The following HK1 variants were observed in gnomAD, a reference collection of about 807,000 sequenced individuals.
HK1 encodes the protein hexokinase 1.
Under a neutral mutation model 91.6 loss-of-function variants are expected in HK1, and 28 were observed. The observed-to-expected ratio is 0.31, with a 90% CI of 0.23 to 0.42. HK1 has a LOEUF of 0.42. Among genes scored for constraint, HK1 ranks in the 10% least tolerant of loss-of-function variants. HK1 has a pLI of 1.00. For synonymous variants in HK1, 430 were observed against 468.1 expected, an observed-to-expected ratio of 0.92 and a Z score of 1.05; for missense variants, 770 against 1,219.8, an observed-to-expected ratio of 0.63 and a Z score of 5.49.
chr10:69,327,280 C>A lies in HK1; in HGVS notation c.63+8270C>A, dbSNP rs559881372. On this transcript the variant is annotated intron_variant, in intron 1 of 17. Transcript: ENST00000359426. ...AAGTTCTGGGATTATAGGCCTGAGC[C>A]CCCACACTCAGCCAGTTTTAAACTC... 6.0e-4 allele frequency among the ~76,000 whole-genome samples: 92 copies of A among 152,126 alleles called. 1 individual carries two copies. Among genetic ancestry groups the A allele is most frequent in the African/African-American group, 2.0e-3 (85 of 41,506 alleles).
intron 3 of HK1, among the ~76,000 whole-genome samples, chr10:69,363,520 AGGCATGTGCCAG>A (rs1360987796): frequency 6.6e-6 from 1 of 152,210 alleles, no homozygotes; most frequent in African/African-American, 2.4e-5. Flanking sequence ...CTAGGACTAC[AGGCATGTGCCAG>A]CATGCCTGGC....
At chr10:69,344,042 C>A (rs1320634733) in intron 2 of HK1, 53 bp downstream of exon 2, 5 of 1,575,592 alleles carry the variant, frequency 3.2e-6, no homozygotes, top group South Asian at 1.1e-5. Flanking sequence ...TCTGTGAAAT[C>A]TTCCTTCTAA....
chr10:69,396,154 C>T (rs1840125081), intron 16 of HK1, among the ~76,000 whole-genome samples: 1 of 151,816 alleles, frequency 6.6e-6, no homozygotes, highest in African/African-American at 2.4e-5. Flanking sequence ...TTCCTGTGGT[C>T]CCAGCTATTT....
intron 5 of HK1, among the ~76,000 whole-genome samples, chr10:69,305,888 A>AGAAC (rs1554808738): frequency 6.7e-6 from 1 of 149,786 alleles, no homozygotes; most frequent in Non-Finnish European, 1.5e-5. Flanking sequence ...AAAACAACAA[A>AGAAC]AAAAAATAAG....
At chr10:69,323,407 A>G (rs1032161931) in intron 1 of HK1, among the ~76,000 whole-genome samples, 1 of 151,676 alleles carries the variant, frequency 6.6e-6, no homozygotes, top group African/African-American at 2.4e-5. Context: ...ACCTGTAGTC[A>G]CAGCTACTCA....
intron 4 of HK1, among the ~76,000 whole-genome samples, chr10:69,366,329 C>G (rs1488929725): frequency 6.6e-6 from 1 of 152,168 alleles, no homozygotes; most frequent in Non-Finnish European, 1.5e-5. Context: ...AGCATTTGGG[C>G]TCAGGGCACC....
At chr10:69,374,773 G>A (rs986260889) in intron 7 of HK1, among the ~76,000 whole-genome samples, 1 of 152,248 alleles carries the variant, frequency 6.6e-6, no homozygotes, top group African/African-American at 2.4e-5. Flanking sequence ...ATTGTTCTGG[G>A]CGTCTTTAGA....
chr10:69,294,946 T>C (rs111503217), intron 3 of HK1, among the ~76,000 whole-genome samples: 1,648 of 150,350 alleles, frequency 0.011, 34 homozygotes, highest in African/African-American at 0.038. Flanking sequence ...GGAGGATTGC[T>C]TGAGCCCGGG....
intron 3 of HK1, among the ~76,000 whole-genome samples, chr10:69,289,970 T>C (rs1845223188): frequency 6.6e-6 from 1 of 152,054 alleles, no homozygotes; most frequent in South Asian, 2.1e-4. Flanking sequence ...CCCTGGATGT[T>C]GAAATAAACC....
Position 69,380,108 on chromosome 10 carries a change from T to G in HK1, c.1265+13T>G. The G allele has an allele frequency of 6.3e-7, 1 of 1,593,136 alleles. No homozygotes were observed. Among genetic ancestry groups the G allele is most frequent in the Non-Finnish European group, 8.6e-7 (1 of 1,160,854 alleles). ...AGACGCACCCACAGTGAGTCTGCCCTTTGCTATCATTGGCACTCTGTACCC... is the reference window on the plus strand; with the variant it reads ...AGACGCACCCACAGTGAGTCTGCCCGTTGCTATCATTGGCACTCTGTACCC... On this transcript the variant is annotated intron_variant, in intron 9 of 17. Coordinates refer to ENST00000359426, the MANE Select transcript of HK1 (RefSeq NM_000188.3). The surrounding 1 kb of genome is among the most constrained non-coding windows in gnomAD (Gnocchi z 4.0).
intron 5 of HK1, among the ~76,000 whole-genome samples, chr10:69,303,810 T>C (rs745988199): frequency 6.6e-6 from 1 of 152,214 alleles, no homozygotes; most frequent in Admixed American, 6.5e-5. Flanking sequence ...TGCGGGAGAC[T>C]GGGGTTTTAC....
chr10:69,332,538 C>T (rs1847790753), intron 1 of HK1, among the ~76,000 whole-genome samples: 1 of 151,948 alleles, frequency 6.6e-6, no homozygotes, highest in South Asian at 2.1e-4. Context: ...CGCACCACAC[C>T]CAGCTAACTT....
chr10:69,386,509 C>T (rs956856587), intron 13 of HK1, 91 bp downstream of exon 13: 10 of 1,035,162 alleles, frequency 9.7e-6, no homozygotes, highest in East Asian at 5.6e-5. Context: ...TCAGGCCAGG[C>T]GTGGTGGCTC....
intron 1 of HK1, among the ~76,000 whole-genome samples, chr10:69,327,974 T>C (rs1448143733): frequency 1.3e-5 from 2 of 152,204 alleles, no homozygotes; most frequent in Non-Finnish European, 2.9e-5. Flanking sequence ...TGGCTCTCCA[T>C]GGCCCCTGGT....
At chr10:69,296,027 C>T (rs770762519) in intron 4 of HK1, among the ~76,000 whole-genome samples, 5 of 152,158 alleles carry the variant, frequency 3.3e-5, no homozygotes, top group African/African-American at 4.8e-5. Context: ...AGGGTCTCTC[C>T]CCTCCCGTCT....
intron 1 of HK1, among the ~76,000 whole-genome samples, chr10:69,333,697 C>T (rs1021014362): frequency 1.3e-5 from 2 of 152,078 alleles, no homozygotes; most frequent in African/African-American, 2.4e-5. Context: ...GTTCCACCTG[C>T]CTCATGTGGG....
At chr10:69,274,956 C>G (rs140805880) in intron 1 of HK1, among the ~76,000 whole-genome samples, 39 of 152,232 alleles carry the variant, frequency 2.6e-4, no homozygotes, top group African/African-American at 9.1e-4. Flanking sequence ...TAGAGGAAAG[C>G]AGTCATGAAT....
chr10:69,291,770 A>G (rs1178841278), intron 3 of HK1, among the ~76,000 whole-genome samples: 1 of 152,202 alleles, frequency 6.6e-6, no homozygotes, highest in Non-Finnish European at 1.5e-5. Context: ...TAGTGTAAGG[A>G]AGGGCCAAAA....
chr10:69,379,664 A>G (rs999383986), intron 8 of HK1, among the ~76,000 whole-genome samples, 198 bp from the exon 9 acceptor site: 1 of 152,094 alleles, frequency 6.6e-6, no homozygotes, highest in Non-Finnish European at 1.5e-5. Context: ...AGTTTTTCCT[A>G]TCACTACCTG....
Sources: gnomAD v4.1 joint callset for allele counts (sites outside exome capture counted in the v4.1 genomes callset) on GRCh38, gnomAD v4.1.1 for gene constraint, Gnocchi (gnomAD v3.1) non-coding constraint, MANE v1.5 for transcripts, NCBI Gene and HGNC (gene_info 2026-07-23, HGNC 2026-07-21) for gene names.